The following CKAP5 variants were observed in gnomAD, a reference collection of about 807,000 sequenced individuals.
CKAP5 encodes cytoskeleton-associated protein 5.
In CKAP5, 27 loss-of-function variants were observed where a neutral mutation model predicts 232.8. The observed-to-expected ratio is 0.12, with a 90% CI of 0.09 to 0.16. CKAP5 has a LOEUF of 0.16. CKAP5 is among the 10% of genes least tolerant of loss of function. The pLI is 1.00. For missense variants in CKAP5, 1,838 were observed against 2,424.7 expected (o/e 0.76, Z 5.08); for synonymous variants, 785 against 841.1 (o/e 0.93, Z 1.16).
chr11:46,787,285 G>T (rs539216797), intron 16 of CKAP5, among the ~76,000 whole-genome samples: 9 of 152,220 alleles, frequency 5.9e-5, no homozygotes, highest in Non-Finnish European at 1.0e-4. Context: ...CACAGTGTAT[G>T]AGGGAGCTAA....
intron 1 of CKAP5, among the ~76,000 whole-genome samples, chr11:46,842,326 G>C: frequency 6.6e-6 from 1 of 152,192 alleles, no homozygotes; most frequent in Non-Finnish European, 1.5e-5. Flanking sequence ...GAAGGGGACA[G>C]TCTGATTCCA....
chr11:46,845,626 G>C (rs2134733403), intron 1 of CKAP5, among the ~76,000 whole-genome samples: 1 of 152,270 alleles, frequency 6.6e-6, no homozygotes, highest in African/African-American at 2.4e-5. Flanking sequence ...CACCTCCAGG[G>C]CTGGAAGGAC....
intron 2 of CKAP5, among the ~76,000 whole-genome samples, chr11:46,819,520 T>C (rs1407525212): frequency 6.6e-6 from 1 of 152,210 alleles, no homozygotes; most frequent in Non-Finnish European, 1.5e-5. Flanking sequence ...TTGCATTTAC[T>C]GTGTTAAGCA....
chr11:46,783,370 T>C lies in CKAP5; in HGVS notation c.2155-2A>G. The C allele has an allele frequency of 6.3e-7, 1 of 1,586,066 alleles. No homozygotes were observed. Among genetic ancestry groups the C allele is most frequent in the Non-Finnish European group, 8.6e-7 (1 of 1,157,038 alleles). Reference sequence around the variant, plus strand: ...TTGTGAGAAAGCCATTGACACAACCTGAAAAGGGAAAAACAGCAGATCTGT... The same window carrying C: ...TTGTGAGAAAGCCATTGACACAACCCGAAAAGGGAAAAACAGCAGATCTGT... On this transcript the variant is annotated splice_acceptor_variant, in intron 17 of 43. Coordinates refer to ENST00000529230, the MANE Select transcript of CKAP5 (RefSeq NM_001008938.4). LOFTEE classifies it high-confidence loss of function.
At chr11:46,830,440 CAAAAAAA>C (rs71042623) in intron 1 of CKAP5, among the ~76,000 whole-genome samples, 3 of 67,932 alleles carry the variant, frequency 4.4e-5, no homozygotes, top group South Asian at 5.4e-4. Context: ...GACTCCGTCT[CAAAAAAA>C]AAAAAAAAAA....
chr11:46,801,346 A>C lies in CKAP5; in HGVS notation c.979-42T>G, dbSNP rs761913607. ...AAAGGAAAACAAAATAGTCACAGCCATGTAGAAGGGTATTGAAATTTTATT... is the reference window on the plus strand; with the variant it reads ...AAAGGAAAACAAAATAGTCACAGCCCTGTAGAAGGGTATTGAAATTTTATT... On this transcript the variant is annotated intron_variant, in intron 8 of 43. Transcript: ENST00000529230. 13 of 1,417,776 alleles carry C rather than the reference A, an allele frequency of 9.2e-6. No homozygotes were observed. The South Asian group carries it at 1.5e-4, about 16-fold the overall frequency. The allele number at this position is 1,417,776 out of a possible 1,614,324, so 87.8% of individuals were successfully genotyped here.
At position 46,784,590 on chromosome 11, in the gene CKAP5, A is replaced by G. The variant is rs1280027057; in HGVS notation, c.2052T>C (p.Asp684=). 6.2e-7 allele frequency: 1 copy of G among 1,613,962 alleles called. No individual in the cohort carries two copies. The highest frequency in any genetic ancestry group is 2.2e-5 in the East Asian group (1 of 44,878). ...CATCTCCAATCTTGTCCACAAGGCC[A>G]TCTAATACAACCTGAGCTGACGTTT... is the stretch of plus-strand genomic sequence containing the variant. ...FSKTSAQVVL[D]GLVDKIGDVK... The change falls in exon 17 of 44, where the codon GAT becomes GAC. Residue 684 remains aspartate (D), a synonymous_variant. Transcript: ENST00000529230.
chr11:46,776,504 TG>T (rs2134616680), intron 23 of CKAP5, 121 bp from the exon 24 acceptor site: 1 of 628,600 alleles, frequency 1.6e-6, no homozygotes, highest in Non-Finnish European at 2.5e-6. Flanking sequence ...TGAACATACA[TG>T]AAACCATCTT....
chr11:46,806,900 TA>T (rs1479157327), intron 8 of CKAP5, among the ~76,000 whole-genome samples: 1 of 152,232 alleles, frequency 6.6e-6, no homozygotes, highest in Non-Finnish European at 1.5e-5. Flanking sequence ...GCTTTTACAC[TA>T]TAAACAAGTG....
chr11:46,825,768 A>T (rs919467083), intron 1 of CKAP5, among the ~76,000 whole-genome samples: 3 of 151,772 alleles, frequency 2.0e-5, no homozygotes, highest in Admixed American at 6.6e-5. Flanking sequence ...AAAAAAAAAG[A>T]AATTATTTTT....
chr11:46,758,372 A>AC (rs2065126957), intron 35 of CKAP5, among the ~76,000 whole-genome samples: 3 of 152,124 alleles, frequency 2.0e-5, no homozygotes, highest in Non-Finnish European at 2.9e-5. Flanking sequence ...CCTTTCCGTC[A>AC]TTACCCCATT....
chr11:46,804,298 A>C (rs895284469), intron 8 of CKAP5, among the ~76,000 whole-genome samples: 2 of 152,236 alleles, frequency 1.3e-5, no homozygotes, highest in Non-Finnish European at 2.9e-5. Flanking sequence ...ATTGACACTC[A>C]TTGTTTATTC....
At chr11:46,752,554 G>C (rs936537738) in intron 38 of CKAP5, 81 bp downstream of exon 38, 2 of 1,047,244 alleles carry the variant, frequency 1.9e-6, no homozygotes, top group African/African-American at 3.2e-5. Flanking sequence ...GTCTTTCTTA[G>C]CTCCAATTCC....
At chr11:46,809,708 T>G in intron 6 of CKAP5, 34 bp downstream of exon 6, 1 of 1,612,828 alleles carries the variant, frequency 6.2e-7, no homozygotes, top group Non-Finnish European at 8.5e-7. Flanking sequence ...TTCTTGCTAA[T>G]TTTTGCAGAA....
intron 40 of CKAP5, 119 bp from the exon 41 acceptor site, chr11:46,750,730 G>T (rs2065057462): frequency 1.4e-6 from 1 of 730,420 alleles, no homozygotes. Context: ...TGTTCCTACA[G>T]ATAACAGATG....
At chr11:46,760,383 CG>C (rs1565720811) in intron 33 of CKAP5, 1 of 670,806 alleles carries the variant, frequency 1.5e-6, no homozygotes, top group East Asian at 2.9e-5. Context: ...ATTCTGTCCA[CG>C]GAAAAGCAGT....
At chr11:46,757,474 C>T (rs1460840599) in intron 35 of CKAP5, among the ~76,000 whole-genome samples, 6 of 151,748 alleles carry the variant, frequency 4.0e-5, no homozygotes, top group Non-Finnish European at 7.4e-5. Flanking sequence ...GACTTGGCAA[C>T]GGCGAGACTC....
At chr11:46,810,055 T>A (rs973562493) in intron 5 of CKAP5, among the ~76,000 whole-genome samples, 181 bp from the exon 6 acceptor site, 5 of 152,056 alleles carry the variant, frequency 3.3e-5, no homozygotes, top group Admixed American at 2.0e-4. Flanking sequence ...CACTGCAACC[T>A]CCACCTCTTG....
chr11:46,843,761 A>AG (rs1940115245), intron 1 of CKAP5, among the ~76,000 whole-genome samples: 2 of 151,938 alleles, frequency 1.3e-5, no homozygotes, highest in Non-Finnish European at 2.9e-5. Flanking sequence ...GAGAGAACAC[A>AG]AAGATGTAAG....
Sources: allele counts gnomAD v4.1 joint callset (sites outside exome capture counted in the v4.1 genomes callset), GRCh38; gene constraint gnomAD v4.1.1; transcripts MANE v1.5; gene names NCBI Gene and HGNC (gene_info 2026-07-23, HGNC 2026-07-21).